The following RBM27 variants were observed in gnomAD, a reference collection of about 807,000 sequenced individuals.
RBM27 encodes RNA binding motif protein 27.
In RBM27, 22 loss-of-function variants were observed where a neutral mutation model predicts 135.3. The ratio of observed to expected loss-of-function variants is 0.16; its 90% CI spans 0.12 to 0.23. RBM27 has a LOEUF of 0.23. Among genes scored for constraint, RBM27 ranks in the 10% least tolerant of loss-of-function variants. RBM27 has a pLI of 1.00. For missense variants in RBM27, 1,009 were observed against 1,281.0 expected (o/e 0.79, Z 3.24); for synonymous variants, 481 against 442.4 (o/e 1.09, Z -1.10).
Position 146,284,623 on chromosome 5 carries a change from C to T in RBM27, c.2990C>T (p.Thr997Ile). 2 of 1,604,298 alleles carry T rather than the reference C, an allele frequency of 1.2e-6. No individual in the cohort carries two copies. Among genetic ancestry groups the T allele is most frequent in the Non-Finnish European group, 8.5e-7 (1 of 1,172,554 alleles). Reference protein sequence around the residue: ...EKEDLLQHFSTANQGPKFKDR... With the variant: ...EKEDLLQHFSIANQGPKFKDR... ...ATGTTCTTCTAATATATATTTTAGA[C>T]CGCAAACCAAGGGCCAAAATTTAAA... The change falls in exon 20 of 21, where the codon ACC becomes ATC. Residue 997 changes from threonine (T) to isoleucine (I), a missense_variant and splice_region_variant. Physicochemically the swap from Thr to Ile is moderately conservative, Grantham distance 89 (BLOSUM62 -1). Coordinates refer to ENST00000265271, the MANE Select transcript of RBM27 (RefSeq NM_018989.2).
chr5:146,285,417 C>G (rs1056798616), intron 20 of RBM27, among the ~76,000 whole-genome samples: 1 of 151,940 alleles, frequency 6.6e-6, no homozygotes, highest in African/African-American at 2.4e-5. Context: ...GAAATGTTCC[C>G]TAGATTAAAA....
At chr5:146,217,945 A>G (rs1247014552) in intron 1 of RBM27, among the ~76,000 whole-genome samples, 1 of 151,680 alleles carries the variant, frequency 6.6e-6, no homozygotes. Context: ...TTCTATAGCA[A>G]CAGAGTTTTG....
chr5:146,238,237 G>A (rs1355656890), intron 8 of RBM27, among the ~76,000 whole-genome samples: 1 of 152,040 alleles, frequency 6.6e-6, no homozygotes, highest in Non-Finnish European at 1.5e-5. Context: ...GGCCAGGCGC[G>A]GTGGCTCATG....
chr5:146,207,182 T>C (rs1755717879), intron 1 of RBM27, among the ~76,000 whole-genome samples: 1 of 152,196 alleles, frequency 6.6e-6, no homozygotes, highest in African/African-American at 2.4e-5. Context: ...TTGCACCGGC[T>C]AGGTTGGAAT....
At chr5:146,236,960 CAG>C (rs1757190205) in intron 7 of RBM27, among the ~76,000 whole-genome samples, 2 of 86,140 alleles carry the variant, frequency 2.3e-5, no homozygotes, top group African/African-American at 9.1e-5. Context: ...TTTTTCGAGA[CAG>C]AGTTTTGCTT....
chr5:146,283,123 A>G (rs903382886), intron 19 of RBM27, among the ~76,000 whole-genome samples: 1 of 152,188 alleles, frequency 6.6e-6, no homozygotes, highest in African/African-American at 2.4e-5. Context: ...TTATTTAGAA[A>G]TTCAAATAAT....
intron 9 of RBM27, among the ~76,000 whole-genome samples, chr5:146,253,293 G>A (rs890501343): frequency 2.6e-5 from 4 of 152,098 alleles, no homozygotes; most frequent in Non-Finnish European, 5.9e-5. Context: ...ACTGCGCCCG[G>A]CCCAATTATT....
At chr5:146,225,160 C>T (rs1051786734) in intron 3 of RBM27, among the ~76,000 whole-genome samples, 5 of 151,840 alleles carry the variant, frequency 3.3e-5, no homozygotes, top group African/African-American at 1.2e-4. Context: ...CAGGGTTTCA[C>T]TATGTTGCCC....
rs577081332 is a variant in RBM27 at position 146,269,077 on chromosome 5, AGGTTTCATCTAT to A, written c.2452-126_2452-115del. ...AAAGTGTTAGGGAAAATATATTCAA[AGGTTTCATCTAT>A]GGTGTCAGCTATTTTTTTATTAGGA... is the stretch of plus-strand genomic sequence containing the variant. On this transcript the variant is annotated intron_variant, in intron 15 of 20. Transcript: ENST00000265271. The A allele has an allele frequency of 6.6e-3, 3,637 of 550,568 alleles. 20 individuals carry two copies. The highest frequency in any genetic ancestry group is 8.8e-3 in the Non-Finnish European group (2,721 of 308,214). 34.1% of individuals were successfully genotyped at this position (550,568 alleles called of 1,614,324 possible).
At chr5:146,216,876 T>C (rs1756216945) in intron 1 of RBM27, among the ~76,000 whole-genome samples, 1 of 152,164 alleles carries the variant, frequency 6.6e-6, no homozygotes, top group Non-Finnish European at 1.5e-5. Flanking sequence ...CAAGCTGCTC[T>C]TGAACTTCTA....
chr5:146,286,404 AC>A lies in RBM27; in HGVS notation c.*376del, dbSNP rs1186590271. 1 of 156,834 alleles carries A rather than the reference AC, an allele frequency of 6.4e-6. No individual in the cohort carries two copies. The highest frequency in any genetic ancestry group is 1.4e-5 in the Non-Finnish European group (1 of 71,394). 9.7% of individuals were successfully genotyped at this position (156,834 alleles called of 1,614,324 possible). On this transcript the variant is annotated 3_prime_UTR_variant, in exon 21 of 21. Coordinates refer to ENST00000265271, the MANE Select transcript of RBM27 (RefSeq NM_018989.2). ...TAAAATTTAATTAAATGTCAAAATC[AC>A]CTGTAATCTTTTAACTCTCAGTTGT...
At chr5:146,204,653 G>A (rs1001863036) in intron 1 of RBM27, among the ~76,000 whole-genome samples, 11 of 152,136 alleles carry the variant, frequency 7.2e-5, no homozygotes, top group South Asian at 2.1e-4. Context: ...TTTAGATACA[G>A]GTGGTGTTGG....
At chr5:146,252,000 T>C (rs1757910705) in intron 9 of RBM27, 125 bp downstream of exon 9, 3 of 1,080,538 alleles carry the variant, frequency 2.8e-6, no homozygotes, top group Admixed American at 2.2e-5. Flanking sequence ...ATAGGTAGTT[T>C]TATTTTCTGC....
intron 8 of RBM27, among the ~76,000 whole-genome samples, chr5:146,248,864 ATACT>A (rs1757751137): frequency 7.0e-6 from 1 of 143,080 alleles, no homozygotes; most frequent in Non-Finnish European, 1.6e-5. Flanking sequence ...TTAATTAGAC[ATACT>A]TAATTAGATA....
chr5:146,249,271 C>T (rs1757776281), intron 8 of RBM27, among the ~76,000 whole-genome samples: 1 of 152,172 alleles, frequency 6.6e-6, no homozygotes, highest in Admixed American at 6.5e-5. Flanking sequence ...ATGTGAGCTA[C>T]TGCACCTGGC....
intron 11 of RBM27, among the ~76,000 whole-genome samples, chr5:146,259,513 A>G (rs1758276667): frequency 6.6e-6 from 1 of 151,672 alleles, no homozygotes; most frequent in South Asian, 2.1e-4. Flanking sequence ...TCAAAAAAAA[A>G]AAAAAAAAAA....
chr5:146,266,814 A>G (rs558057859), intron 14 of RBM27, among the ~76,000 whole-genome samples: 22 of 152,084 alleles, frequency 1.4e-4, no homozygotes, highest in Admixed American at 2.0e-4. Flanking sequence ...GCTCGCACCT[A>G]TAGCCCCAGC....
rs1759697228 is a variant in RBM27, at chr5:146,289,109, CA to C, written c.*3081del. ...CATGTTGACTTTTGCAATAAAGATG[CA>C]ATATGGAATGGTTCACAATTGGAAA... On this transcript the variant is annotated 3_prime_UTR_variant, in exon 21 of 21. Transcript: ENST00000265271. 6.7e-6 allele frequency: 1 copy of C among 148,462 alleles called. No homozygotes were observed. Among genetic ancestry groups the C allele is most frequent in the Non-Finnish European group, 1.5e-5 (1 of 67,090 alleles). The allele number at this position is 148,462 out of a possible 1,614,324, so 9.2% of individuals were successfully genotyped here. A position where few individuals can be genotyped will look rare whatever the true frequency, so the allele number is the denominator to read the frequency against.
chr5:146,261,032 T>C (rs1758374060), intron 12 of RBM27, 134 bp downstream of exon 12: 1 of 836,272 alleles, frequency 1.2e-6, no homozygotes, highest in African/African-American at 1.7e-5. Flanking sequence ...TGCCACCATA[T>C]ATCTATATAC....
Sources: allele counts gnomAD v4.1 joint callset (sites outside exome capture counted in the v4.1 genomes callset), GRCh38; gene constraint gnomAD v4.1.1; transcripts MANE v1.5; gene names NCBI Gene and HGNC (gene_info 2026-07-23, HGNC 2026-07-21).